Variants in VPS13B observed in about 807,000 individuals in gnomAD.
The protein encoded by VPS13B is intermembrane lipid transfer protein VPS13B.
In VPS13B, 285 loss-of-function variants were observed where a neutral mutation model predicts 426.4. The observed-to-expected ratio is 0.67, with a 90% confidence interval of 0.61 to 0.74. The LOEUF is 0.74. Ranked by LOEUF, VPS13B falls within the 30% of genes least tolerant of loss-of-function variation. The pLI, the probability that VPS13B is intolerant of heterozygous loss-of-function variation, is 0.00. For missense variants in VPS13B, 4,537 were observed against 4,782.6 expected, an observed-to-expected ratio of 0.95 and a Z score of 1.51; for synonymous variants, 1,676 against 1,676.4, an observed-to-expected ratio of 1.00 and a Z score of 0.01.
At chr8:99,130,383 G>A (rs1292005225) in intron 8 of VPS13B, among the ~76,000 whole-genome samples, 2 of 149,606 alleles carry the variant, frequency 1.3e-5, no homozygotes, top group Non-Finnish European at 1.5e-5. Context: ...TGTAATGTTC[G>A]GGTCCTTTTT....
intron 40 of VPS13B, among the ~76,000 whole-genome samples, chr8:99,772,011 ATTTTC>A (rs2130645544): frequency 6.6e-6 from 1 of 152,046 alleles, no homozygotes; most frequent in African/African-American, 2.4e-5. Context: ...GCCCTTTGCT[ATTTTC>A]TTTTAGGTGG....
intron 5 of VPS13B, among the ~76,000 whole-genome samples, chr8:99,104,372 G>A (rs1588040738): frequency 6.6e-6 from 1 of 152,170 alleles, no homozygotes; most frequent in East Asian, 1.9e-4. Flanking sequence ...GCCATGGGTT[G>A]TAGCAATAAA....
chr8:99,145,491 G>A (rs1810659471), intron 13 of VPS13B, among the ~76,000 whole-genome samples: 1 of 150,482 alleles, frequency 6.6e-6, no homozygotes, highest in Non-Finnish European at 1.5e-5. Flanking sequence ...CCAGGGGCTA[G>A]GGATAACCCC....
chr8:99,698,134 CA>C, intron 35 of VPS13B: 1 of 250,948 alleles, frequency 4.0e-6, no homozygotes. Flanking sequence ...TGGAATGAAT[CA>C]GAGACTTCCA....
intron 43 of VPS13B, among the ~76,000 whole-genome samples, chr8:99,792,514 T>A (rs891979952): frequency 6.6e-6 from 1 of 152,140 alleles, no homozygotes; most frequent in Non-Finnish European, 1.5e-5. Flanking sequence ...GACCCTTTTG[T>A]AAGGAGAGAG....
At chr8:99,135,767 C>G (rs771898628) in intron 11 of VPS13B, 34 bp downstream of exon 11, 1 of 1,611,938 alleles carries the variant, frequency 6.2e-7, no homozygotes, top group Non-Finnish European at 8.5e-7. Context: ...AAATTCTAGG[C>G]TGTGTTTGGG....
chr8:99,302,882 T>C (rs986300533), intron 19 of VPS13B, among the ~76,000 whole-genome samples: 3 of 152,140 alleles, frequency 2.0e-5, no homozygotes, highest in African/African-American at 7.2e-5. Flanking sequence ...TGAACGCATA[T>C]TGCTTTAGCA....
intron 33 of VPS13B, among the ~76,000 whole-genome samples, chr8:99,614,566 C>G (rs754450523): frequency 6.6e-6 from 1 of 152,160 alleles, no homozygotes; most frequent in African/African-American, 2.4e-5. Context: ...GCCTGAGCCA[C>G]TGCGCCTGGC....
intron 42 of VPS13B, among the ~76,000 whole-genome samples, chr8:99,780,600 G>A (rs189644333): frequency 1.1e-4 from 17 of 152,150 alleles, no homozygotes; most frequent in African/African-American, 3.4e-4. Flanking sequence ...CATATGTCAC[G>A]TAGCATATTG....
At chr8:99,014,938 TGAGGATCTGTGCAAGCTCAGAA>T (rs1202367215) in intron 2 of VPS13B, among the ~76,000 whole-genome samples, 1 of 152,104 alleles carries the variant, frequency 6.6e-6, no homozygotes, top group East Asian at 1.9e-4. Flanking sequence ...CTGTTAGGCT[TGAGGATCTGTGCAAGCTCAGAA>T]GAGTCAGAGA....
intron 17 of VPS13B, among the ~76,000 whole-genome samples, chr8:99,247,865 C>T (rs950261946): frequency 3.3e-5 from 5 of 152,016 alleles, no homozygotes; most frequent in African/African-American, 9.7e-5. Context: ...AGGTTGCTGA[C>T]GGCAGTCCAA....
At chr8:99,678,757 A>G (rs1831042909) in intron 35 of VPS13B, among the ~76,000 whole-genome samples, 1 of 152,144 alleles carries the variant, frequency 6.6e-6, no homozygotes, top group South Asian at 2.1e-4. Flanking sequence ...TAGCTGGCAT[A>G]CTTCTTTGAA....
chr8:99,818,380 T>C, intron 45 of VPS13B, 71 bp from the exon 46 acceptor site: 1 of 1,400,206 alleles, frequency 7.1e-7, no homozygotes, highest in Non-Finnish European at 1.0e-6. Context: ...AACTGATGTA[T>C]CTGTGCCTTA....
At chr8:99,547,633 A>G (rs558779102) in intron 30 of VPS13B, among the ~76,000 whole-genome samples, 4 of 152,190 alleles carry the variant, frequency 2.6e-5, no homozygotes, top group South Asian at 2.1e-4. Context: ...CATTAAAGCT[A>G]TGTTTCCTGT....
chr8:99,572,358 C>T lies in VPS13B; in HGVS notation c.4950-3300C>T, dbSNP rs187861533. Reference sequence around the variant, plus strand: ...TAAGTTCTAGGGTAGATGTGCACAACGTGCAGGTTTGTTACATATGTATAC... The same window carrying T: ...TAAGTTCTAGGGTAGATGTGCACAATGTGCAGGTTTGTTACATATGTATAC... On this transcript the variant is annotated intron_variant, in intron 31 of 61. Coordinates refer to ENST00000357162, the MANE Select transcript of VPS13B (RefSeq NM_152564.5). 4.2e-3 allele frequency among the ~76,000 whole-genome samples: 633 copies of T among 152,172 alleles called. 5 individuals are homozygous for T. The highest frequency in any genetic ancestry group is 4.3e-3 in the Non-Finnish European group (295 of 67,988).
chr8:99,515,927 T>C (rs2133651543), intron 29 of VPS13B, among the ~76,000 whole-genome samples: 1 of 152,308 alleles, frequency 6.6e-6, no homozygotes, highest in African/African-American at 2.4e-5. Context: ...TTTTGTGTAT[T>C]AATCCTTCTG....
At chr8:99,249,958 G>A (rs543493052) in intron 17 of VPS13B, among the ~76,000 whole-genome samples, 1 of 152,184 alleles carries the variant, frequency 6.6e-6, no homozygotes, top group East Asian at 1.9e-4. Context: ...TTTCAGGAGC[G>A]GCTGTACATT....
chr8:99,123,887 AAG>A (rs1848065441), intron 8 of VPS13B, among the ~76,000 whole-genome samples: 1 of 152,212 alleles, frequency 6.6e-6, no homozygotes, highest in African/African-American at 2.4e-5. Context: ...GGATAGGTTT[AAG>A]ATGCCTGCTG....
chr8:99,141,322 G>T (rs1255664449), intron 12 of VPS13B, among the ~76,000 whole-genome samples: 1 of 152,126 alleles, frequency 6.6e-6, no homozygotes, highest in African/African-American at 2.4e-5. Flanking sequence ...GGGGGGCATT[G>T]GCCTGTATTA....
Sources: allele counts gnomAD v4.1 joint callset (sites outside exome capture counted in the v4.1 genomes callset), GRCh38; gene constraint gnomAD v4.1.1; transcripts MANE v1.5; gene names NCBI Gene and HGNC (gene_info 2026-07-23, HGNC 2026-07-21).